The following NFIX variants were observed in gnomAD, a reference collection of about 807,000 sequenced individuals.
NFIX encodes the protein nuclear factor I X.
NFIX carries 2 observed loss-of-function variants against 53.3 expected under a neutral mutation model. That is an observed-to-expected ratio of 0.04 (90% confidence interval 0.02 to 0.12). The LOEUF (loss-of-function observed/expected upper bound fraction) is 0.12. Ranked by LOEUF, NFIX falls within the 10% of genes least tolerant of loss-of-function variation. The pLI is 1.00. For synonymous variants in NFIX, 244 were observed against 289.0 expected (o/e 0.84, Z 1.58); for missense variants, 310 against 674.5 (o/e 0.46, Z 5.99).
intron 1 of NFIX, among the ~76,000 whole-genome samples, chr19:13,023,251 C>T (rs890450765): frequency 4.6e-5 from 7 of 151,762 alleles, no homozygotes; most frequent in Non-Finnish European, 8.8e-5. Context: ...CACACACACG[C>T]GCACACTCAC....
rs991161774 is a variant in NFIX, at chr19:13,051,890, G to A, written c.560-21157G>A. Among the ~76,000 whole-genome samples the A allele has an allele frequency of 6.6e-6, 1 of 152,146 alleles. No homozygotes were observed. The highest frequency in any genetic ancestry group is 1.5e-5 in the Non-Finnish European group (1 of 68,010). ...CTCCCGGGAGCAGCCGGGCGGCTGC[G>A]GGAAGGCACTTCTTAGGCGCCGCCT... On this transcript the variant is annotated intron_variant, in intron 2 of 10. Coordinates refer to ENST00000592199, the MANE Select transcript of NFIX (RefSeq NM_001365902.3). This position sits in a 1 kb window ranked among gnomAD's most constrained non-coding sequence, Gnocchi z 5.1.
At chr19:13,082,013 TG>T (rs992920158) in intron 8 of NFIX, 158 bp downstream of exon 8, 1 of 777,872 alleles carries the variant, frequency 1.3e-6, no homozygotes, top group Non-Finnish European at 2.0e-6. Context: ...TTTCTGGGTC[TG>T]GGGACGGGGG....
rs184641319 is a variant in NFIX, at chr19:13,091,170, G to A, written c.1494+780G>A. On this transcript the variant is annotated intron_variant, in intron 10 of 10. Coordinates refer to ENST00000592199, the MANE Select transcript of NFIX (RefSeq NM_001365902.3). Reference sequence around the variant, plus strand: ...GGGGCCTGAGGCTTTTACCACCCAGGGTTTTGAAAAAGAACATGCAAAGAT... The same window carrying A: ...GGGGCCTGAGGCTTTTACCACCCAGAGTTTTGAAAAAGAACATGCAAAGAT... 8.0e-4 allele frequency among the ~76,000 whole-genome samples: 121 copies of A among 151,998 alleles called. 2 individuals are homozygous for A. The highest frequency in any genetic ancestry group is 8.7e-4 in the Non-Finnish European group (59 of 67,932).
chr19:13,065,658 T>C lies in NFIX; in HGVS notation c.560-7389T>C, dbSNP rs533559654. On this transcript the variant is annotated intron_variant, in intron 2 of 10. Transcript: ENST00000592199. ...TTGTGCACCAGGGGCATATCCCTTC[T>C]CTCTCTCCTTTGCTGGCCACTGCCT... 7.2e-5 allele frequency among the ~76,000 whole-genome samples: 11 copies of C among 152,274 alleles called. No homozygotes were observed. The East Asian group carries it at 1.2e-3, about 16-fold the overall frequency.
At position 13,002,855 on chromosome 19, in the gene NFIX, G is replaced by A. The variant is rs930416915; in HGVS notation, c.27+6991G>A. 1.3e-5 allele frequency among the ~76,000 whole-genome samples: 2 copies of A among 152,152 alleles called. No homozygotes were observed. Among genetic ancestry groups the A allele is most frequent in the African/African-American group, 2.4e-5 (1 of 41,456 alleles). ...GCAGGGGGCAGTGCCCACCACCATC[G>A]CCAAGGACCCTGCCCCCTCAGCTGA... On this transcript the variant is annotated intron_variant, in intron 1 of 10. Transcript: ENST00000592199. The surrounding 1 kb of genome is among the most constrained non-coding windows in gnomAD (Gnocchi z 6.1).
intron 1 of NFIX, among the ~76,000 whole-genome samples, chr19:13,018,885 G>A (rs2012812092): frequency 6.6e-6 from 1 of 152,242 alleles, no homozygotes; most frequent in African/African-American, 2.4e-5. Context: ...CAACAATTGG[G>A]CAAACTAATT....
rs756598364 is a variant in NFIX at position 13,066,020 on chromosome 19, G to T, written c.560-7027G>T. On this transcript the variant is annotated intron_variant, in intron 2 of 10. Transcript: ENST00000592199. This position sits in a 1 kb window ranked among gnomAD's most constrained non-coding sequence, Gnocchi z 4.2. ...TGGCTATGAGTCTATCTCCACATGG[G>T]GAGTGGAGGCAACCAAGGACTGTAG... 6.6e-6 allele frequency among the ~76,000 whole-genome samples: 1 copy of T among 152,166 alleles called. No individual in the cohort carries two copies. The highest frequency in any genetic ancestry group is 6.5e-5 in the Admixed American group (1 of 15,282).
At position 13,014,974 on chromosome 19, in the gene NFIX, C is replaced by G. The variant is rs2012575704; in HGVS notation, c.28-10047C>G. On this transcript the variant is annotated intron_variant, in intron 1 of 10. Transcript: ENST00000592199. The surrounding 1 kb of genome is among the most constrained non-coding windows in gnomAD (Gnocchi z 4.4). ...GATCCTGAAGTGCCTGAGGAAGAAA[C>G]AGCAATGAGAAAGCAATGGGAAAAA... 1.3e-5 allele frequency among the ~76,000 whole-genome samples: 2 copies of G among 152,140 alleles called. No homozygotes were observed. The highest frequency in any genetic ancestry group is 1.3e-4 in the Admixed American group (2 of 15,276).
In NFIX at chr19:13,097,971, GGCCCCGCACACA is replaced by G; in HGVS notation, c.*3330_*3341del. 1.3e-5 allele frequency: 2 copies of G among 154,112 alleles called. No individual in the cohort carries two copies. The highest frequency in any genetic ancestry group is 2.0e-4 in the South Asian group (1 of 5,012). 9.5% of individuals were successfully genotyped at this position (154,112 alleles called of 1,614,324 possible). A position where few individuals can be genotyped will look rare whatever the true frequency, so the allele number is the denominator to read the frequency against. On this transcript the variant is annotated 3_prime_UTR_variant, in exon 11 of 11. Coordinates refer to ENST00000592199, the MANE Select transcript of NFIX (RefSeq NM_001365902.3). The stretch of plus-strand genomic sequence containing the variant: ...CGCGCCCGCACGCACGCACGCACAC[GGCCCCGCACACA>G]GCCCCGCCCCACCCCGCAACCAGCC...
At chr19:13,069,957 C>G (rs972197042) in intron 2 of NFIX, 1 of 152,322 alleles carries the variant, frequency 6.6e-6, no homozygotes, top group East Asian at 1.9e-4. Flanking sequence ...TCCCCTCCCC[C>G]GGGGAAGCCC....
At chr19:13,048,560 C>T (rs1388885150) in intron 2 of NFIX, among the ~76,000 whole-genome samples, 1 of 151,816 alleles carries the variant, frequency 6.6e-6, no homozygotes, top group East Asian at 1.9e-4. Flanking sequence ...ATAAAATTCA[C>T]TATTTTAAAG....
chr19:13,014,545 G>A lies in NFIX; in HGVS notation c.28-10476G>A, dbSNP rs1215195724. The A allele has an allele frequency of 1.3e-5, 2 of 152,260 alleles. No individual in the cohort carries two copies. Among genetic ancestry groups the A allele is most frequent in the Admixed American group, 1.3e-4 (2 of 15,288 alleles). The allele number at this position is 152,260 out of a possible 1,614,324, so 9.4% of individuals were successfully genotyped here. The stretch of plus-strand genomic sequence containing the variant: ...AATCAAGTATTTCTAGAGATCGCCT[G>A]CTCAGAGGGCTCAGATCCCTTGTCA... On this transcript the variant is annotated intron_variant, in intron 1 of 10. Coordinates refer to ENST00000592199, the MANE Select transcript of NFIX (RefSeq NM_001365902.3). This position sits in a 1 kb window ranked among gnomAD's most constrained non-coding sequence, Gnocchi z 4.4.
chr19:13,071,222 C>T (rs761442216), intron 2 of NFIX: 1 of 152,320 alleles, frequency 6.6e-6, no homozygotes, highest in African/African-American at 2.4e-5. Flanking sequence ...TTTAGAGCAA[C>T]CACAGGACTG....
rs759860652 is a variant in NFIX at position 13,025,907 on chromosome 19, A to G, written c.559+355A>G. Among the ~76,000 whole-genome samples, 1 of 152,210 alleles carries G rather than the reference A, an allele frequency of 6.6e-6. No homozygotes were observed. Among genetic ancestry groups the G allele is most frequent in the Non-Finnish European group, 1.5e-5 (1 of 68,038 alleles). On this transcript the variant is annotated intron_variant, in intron 2 of 10. Coordinates refer to ENST00000592199, the MANE Select transcript of NFIX (RefSeq NM_001365902.3). This position sits in a 1 kb window ranked among gnomAD's most constrained non-coding sequence, Gnocchi z 7.5. ...GAGTTTGAGATGAACAACAACAGCA[A>G]ACCAGTAATTGCTCTTATTAAAATG...
In NFIX at chr19:13,036,525, T is replaced by A. The variant is rs781545461; in HGVS notation, c.559+10973T>A. Among the ~76,000 whole-genome samples, 4 of 152,012 alleles carry A rather than the reference T, an allele frequency of 2.6e-5. No homozygotes were observed. The South Asian group carries it at 8.3e-4, about 32-fold the overall frequency. ...GAGTAGGGTGACACCTGGTGACTCT[T>A]GTGGACTGGGCGGAGCTGTGTGGAG... is the stretch of plus-strand genomic sequence containing the variant. On this transcript the variant is annotated intron_variant, in intron 2 of 10. Transcript: ENST00000592199. The surrounding 1 kb of genome is among the most constrained non-coding windows in gnomAD (Gnocchi z 4.7).
intron 1 of NFIX, chr19:13,023,882 C>T (rs2013112952): frequency 1.5e-6 from 1 of 674,782 alleles, no homozygotes; most frequent in Admixed American, 2.5e-5. Flanking sequence ...CCCTATTCCC[C>T]AGAACACCAA....
In NFIX at chr19:13,009,971, A is replaced by T. The variant is rs937270353; in HGVS notation, c.27+14107A>T. ...CCTGTCCACACAGGTGGAGTGGCCC[A>T]CCTTGGGCCCGGGGGGGCCTCCAGG... On this transcript the variant is annotated intron_variant, in intron 1 of 10. Coordinates refer to ENST00000592199, the MANE Select transcript of NFIX (RefSeq NM_001365902.3). The surrounding 1 kb of genome is among the most constrained non-coding windows in gnomAD (Gnocchi z 4.7). Among the ~76,000 whole-genome samples the T allele has an allele frequency of 3.9e-5, 6 of 152,054 alleles. No individual in the cohort carries two copies. Among genetic ancestry groups the T allele is most frequent in the Admixed American group, 3.9e-4 (6 of 15,280 alleles).
In NFIX at chr19:12,998,318, C is replaced by A. The variant is rs1334859546; in HGVS notation, c.27+2454C>A. The stretch of plus-strand genomic sequence containing the variant: ...CTCTGTCTCTCTGGCCTGCCTCTCT[C>A]TCTTTCCCTCTCTCTCTCTCCCTTT... On this transcript the variant is annotated intron_variant, in intron 1 of 10. Coordinates refer to ENST00000592199, the MANE Select transcript of NFIX (RefSeq NM_001365902.3). This position sits in a 1 kb window ranked among gnomAD's most constrained non-coding sequence, Gnocchi z 4.4. 6.6e-6 allele frequency among the ~76,000 whole-genome samples: 1 copy of A among 152,132 alleles called. No individual in the cohort carries two copies. Among genetic ancestry groups the A allele is most frequent in the Non-Finnish European group, 1.5e-5 (1 of 68,014 alleles).
rs975497254 is a variant in NFIX at position 13,036,848 on chromosome 19, G to A, written c.559+11296G>A. Among the ~76,000 whole-genome samples, 3 of 152,096 alleles carry A rather than the reference G, an allele frequency of 2.0e-5. No individual in the cohort carries two copies. The highest frequency in any genetic ancestry group is 4.8e-5 in the African/African-American group (2 of 41,388). On this transcript the variant is annotated intron_variant, in intron 2 of 10. Coordinates refer to ENST00000592199, the MANE Select transcript of NFIX (RefSeq NM_001365902.3). This position sits in a 1 kb window ranked among gnomAD's most constrained non-coding sequence, Gnocchi z 4.7. ...TAAATTTCTGAGCAGTGACGTCAGC[G>A]GGCATGGTACCTAGTTAGGGGGTGG...
Sources: allele counts gnomAD v4.1 joint callset (sites outside exome capture counted in the v4.1 genomes callset), GRCh38; gene constraint gnomAD v4.1.1; non-coding constraint Gnocchi (gnomAD v3.1); transcripts MANE v1.5; gene names NCBI Gene and HGNC (gene_info 2026-07-23, HGNC 2026-07-21).